CNTNAP2: variants seen among roughly 807,000 people sequenced by gnomAD.
CNTNAP2 encodes contactin-associated protein-like 2.
Under a neutral mutation model 155.2 loss-of-function variants are expected in CNTNAP2, and 98 were observed. The ratio of observed to expected loss-of-function variants is 0.63; its 90% CI spans 0.54 to 0.75. The LOEUF (loss-of-function observed/expected upper bound fraction) is 0.75. Ranked by LOEUF, CNTNAP2 falls within the 30% of genes least tolerant of loss-of-function variation. The pLI, the probability that CNTNAP2 is intolerant of heterozygous loss-of-function variation, is 0.00. For synonymous variants in CNTNAP2, 651 were observed against 631.2 expected, an observed-to-expected ratio of 1.03 and a Z score of -0.47; for missense variants, 1,727 against 1,688.1, an observed-to-expected ratio of 1.02 and a Z score of -0.40.
At chr7:147,595,050 T>A (rs1196293772) in intron 12 of CNTNAP2, among the ~76,000 whole-genome samples, 1 of 151,974 alleles carries the variant, frequency 6.6e-6, no homozygotes, top group African/African-American at 2.4e-5. Flanking sequence ...ACTTCCCTCC[T>A]CCCCTCACTT....
At chr7:146,760,235 C>A (rs73170317) in intron 1 of CNTNAP2, among the ~76,000 whole-genome samples, 5,897 of 152,042 alleles carry the variant, frequency 0.039, 140 homozygotes, top group East Asian at 0.096. Context: ...ACTACACACA[C>A]TATTCAGTCA....
At chr7:146,258,079 A>G (rs1462848578) in intron 1 of CNTNAP2, among the ~76,000 whole-genome samples, 1 of 152,006 alleles carries the variant, frequency 6.6e-6, no homozygotes, top group Non-Finnish European at 1.5e-5. Context: ...TTCAGTAGAG[A>G]CAGGGTTTCA....
chr7:146,151,682 G>GTATATATATATATATGTATATATGTA (rs1798051021), intron 1 of CNTNAP2, among the ~76,000 whole-genome samples: 1 of 74,120 alleles, frequency 1.3e-5, no homozygotes, highest in Non-Finnish European at 2.8e-5. Context: ...ATATATATAT[G>GTATATATATATATATGTATATATGTA]TATATATATA....
At chr7:147,478,122 T>C (rs1468305567) in intron 10 of CNTNAP2, among the ~76,000 whole-genome samples, 1 of 152,048 alleles carries the variant, frequency 6.6e-6, no homozygotes, top group Non-Finnish European at 1.5e-5. Context: ...AGGATATGTA[T>C]ATTTGTTGTT....
chr7:148,284,097 T>C (rs1797037830), intron 21 of CNTNAP2, among the ~76,000 whole-genome samples: 1 of 152,214 alleles, frequency 6.6e-6, no homozygotes, highest in Non-Finnish European at 1.5e-5. Context: ...ATACATTATG[T>C]TTTTATATTA....
At chr7:147,464,926 T>C (rs1392576662) in intron 10 of CNTNAP2, among the ~76,000 whole-genome samples, 1 of 152,238 alleles carries the variant, frequency 6.6e-6, no homozygotes, top group Non-Finnish European at 1.5e-5. Flanking sequence ...TCTCTCCTGA[T>C]ATGTATTTCA....
At chr7:146,734,501 A>C (rs554761270) in intron 1 of CNTNAP2, among the ~76,000 whole-genome samples, 1 of 137,518 alleles carries the variant, frequency 7.3e-6, no homozygotes, top group African/African-American at 2.5e-5. Flanking sequence ...TATCACACAG[A>C]AAATTATCTT....
At chr7:147,510,870 TA>T (rs1360144819) in intron 11 of CNTNAP2, among the ~76,000 whole-genome samples, 19 of 143,016 alleles carry the variant, frequency 1.3e-4, no homozygotes, top group East Asian at 2.0e-4. Flanking sequence ...TATATATATA[TA>T]ATGCTTCCTC....
chr7:146,660,755 A>G (rs11525823), intron 1 of CNTNAP2, among the ~76,000 whole-genome samples: 6,401 of 152,264 alleles, frequency 0.042, 169 homozygotes, highest in African/African-American at 0.047. Context: ...GGGCTTCTTA[A>G]AACAAATGTT....
rs367827199 is a variant in CNTNAP2, at chr7:148,356,908, C to CA, written c.3476-26730dup. Among the ~76,000 whole-genome samples, 1,196 of 140,842 alleles carry CA rather than the reference C, an allele frequency of 8.5e-3. 8 individuals carry two copies. The highest frequency in any genetic ancestry group is 0.027 in the African/African-American group (1,018 of 38,400). 92.4% of individuals were successfully genotyped at this position (140,842 alleles called of 152,430 possible). A position where few individuals can be genotyped will look rare whatever the true frequency, so the allele number is the denominator to read the frequency against. Reference sequence around the variant, plus strand: ...CGTCACCATTAAAAAAACAAAAAAACAAAAAAAAAAACCCTTCCTCTTCCA... The same window carrying CA: ...CGTCACCATTAAAAAAACAAAAAAACAAAAAAAAAAAACCCTTCCTCTTCCA... On this transcript the variant is annotated intron_variant, in intron 21 of 23. Transcript: ENST00000361727.
intron 1 of CNTNAP2, among the ~76,000 whole-genome samples, chr7:146,527,502 GAATTTATCTTTAC>G (rs1797708205): frequency 6.7e-6 from 1 of 149,974 alleles, no homozygotes; most frequent in African/African-American, 2.5e-5. Context: ...CATATGTCTG[GAATTTATCTTTAC>G]ACAGATGGTA....
chr7:147,423,619 G>A (rs1797333242), intron 10 of CNTNAP2, among the ~76,000 whole-genome samples: 1 of 151,992 alleles, frequency 6.6e-6, no homozygotes, highest in South Asian at 2.1e-4. Flanking sequence ...GTATTCTTTG[G>A]AGTTTTCAAT....
chr7:147,366,707 A>T (rs1796234918), intron 9 of CNTNAP2, among the ~76,000 whole-genome samples: 1 of 151,944 alleles, frequency 6.6e-6, no homozygotes, highest in Non-Finnish European at 1.5e-5. Context: ...TATGTTCAGT[A>T]TCTTTTGATA....
chr7:146,250,776 T>C (rs1033068125), intron 1 of CNTNAP2, among the ~76,000 whole-genome samples: 1 of 152,214 alleles, frequency 6.6e-6, no homozygotes, highest in Non-Finnish European at 1.5e-5. Context: ...ATAACCATAT[T>C]TGACGCCCTT....
chr7:146,616,116 A>G (rs1200469324), intron 1 of CNTNAP2, among the ~76,000 whole-genome samples: 4 of 152,190 alleles, frequency 2.6e-5, no homozygotes, highest in African/African-American at 9.7e-5. Context: ...TCTAGAAGGA[A>G]GAGCACAAAG....
intron 18 of CNTNAP2, among the ~76,000 whole-genome samples, chr7:148,181,047 A>G (rs1795030362): frequency 6.6e-6 from 1 of 152,196 alleles, no homozygotes; most frequent in South Asian, 2.1e-4. Flanking sequence ...CAGGCTCCCT[A>G]GCCTTTGGGC....
intron 1 of CNTNAP2, among the ~76,000 whole-genome samples, chr7:146,433,498 G>A (rs1724498): frequency 0.46 from 69,510 of 151,868 alleles, 19,348 homozygotes; most frequent in African/African-American, 0.78. Flanking sequence ...CTTTACTTCT[G>A]CTTTTCATAA....
chr7:147,873,987 A>G (rs1466972858), intron 13 of CNTNAP2, among the ~76,000 whole-genome samples: 2 of 152,184 alleles, frequency 1.3e-5, no homozygotes, highest in Non-Finnish European at 2.9e-5. Context: ...CTTTGACTCC[A>G]TGACTCACAT....
intron 13 of CNTNAP2, among the ~76,000 whole-genome samples, chr7:147,728,983 A>G (rs1796690404): frequency 6.7e-6 from 1 of 149,288 alleles, no homozygotes; most frequent in Admixed American, 6.7e-5. Context: ...GGAAAATTAT[A>G]TGTATAATAT....
Sources: gnomAD v4.1 joint callset for allele counts (sites outside exome capture counted in the v4.1 genomes callset) on GRCh38, gnomAD v4.1.1 for gene constraint, MANE v1.5 for transcripts, NCBI Gene and HGNC (gene_info 2026-07-23, HGNC 2026-07-21) for gene names.